Variants in FHIT observed in about 807,000 individuals in gnomAD.
FHIT encodes fragile histidine triad diadenosine triphosphatase.
Under a neutral mutation model 17.9 loss-of-function variants are expected in FHIT, and 19 were observed. The observed-to-expected ratio is 1.06, with a 90% CI of 0.74 to 1.56. The LOEUF (loss-of-function observed/expected upper bound fraction) is 1.56. Among genes scored for constraint, FHIT ranks in the 40% most tolerant of loss-of-function variants. The probability of loss-of-function intolerance (pLI) is 0.00; values close to 1 mark genes in which losing one functional copy is unlikely to be tolerated. For synonymous variants in FHIT, 81 were observed against 69.7 expected (o/e 1.16, Z -0.81); for missense variants, 248 against 189.2 (o/e 1.31, Z -1.82).
chr3:61,194,802 T>A lies in FHIT; in HGVS notation c.-164+5815A>T, dbSNP rs2038809748. 7.9e-5 allele frequency among the ~76,000 whole-genome samples: 12 copies of A among 152,286 alleles called. No homozygotes were observed. The South Asian group carries it at 2.5e-3, about 32-fold the overall frequency. On this transcript the variant is annotated intron_variant, in intron 2 of 9. Transcript: ENST00000492590. The stretch of plus-strand genomic sequence containing the variant: ...ATATCCTCTAATAATACTTACCTAC[T>A]TCAGAGGGTGATGGGAAGCTCTATT...
intron 8 of FHIT, among the ~76,000 whole-genome samples, chr3:59,802,952 G>T (rs1700057234): frequency 6.6e-6 from 1 of 152,126 alleles, no homozygotes; most frequent in African/African-American, 2.4e-5. Context: ...AGTGATACGG[G>T]TATACATCTT....
At chr3:60,652,948 CAAAACA>C (rs2040029163) in intron 4 of FHIT, among the ~76,000 whole-genome samples, 8 of 151,026 alleles carry the variant, frequency 5.3e-5, no homozygotes, top group East Asian at 4.0e-4. Flanking sequence ...CAAAACAAAA[CAAAACA>C]AAACCTTACT....
chr3:60,482,810 C>T (rs2033669987), intron 5 of FHIT, among the ~76,000 whole-genome samples: 1 of 151,148 alleles, frequency 6.6e-6, no homozygotes, highest in Non-Finnish European at 1.5e-5. Context: ...CAGCAGAAGA[C>T]AAGAAATAAC....
chr3:60,730,517 C>G (rs2042005675), intron 4 of FHIT: 1 of 185,710 alleles, frequency 5.4e-6, no homozygotes, highest in African/African-American at 2.4e-5. Context: ...AAGATGAGGC[C>G]CATCTTGGTG....
At chr3:60,879,123 C>A (rs1465280279) in intron 3 of FHIT, among the ~76,000 whole-genome samples, 1 of 152,142 alleles carries the variant, frequency 6.6e-6, no homozygotes. Context: ...AAAAGTGTTC[C>A]TATTTCTCCA....
At chr3:60,196,698 T>A (rs1004488511) in intron 5 of FHIT, among the ~76,000 whole-genome samples, 1 of 152,088 alleles carries the variant, frequency 6.6e-6, no homozygotes, top group Middle Eastern at 3.4e-3. Context: ...TACATACATA[T>A]AAACATATAT....
At chr3:60,313,709 C>A (rs1306773201) in intron 5 of FHIT, among the ~76,000 whole-genome samples, 1 of 138,548 alleles carries the variant, frequency 7.2e-6, no homozygotes, top group Non-Finnish European at 1.5e-5. Flanking sequence ...TCAGGCTTCC[C>A]GGGGGGAGCA....
At chr3:60,732,791 A>ATTC (rs1407943321) in intron 4 of FHIT, among the ~76,000 whole-genome samples, 2 of 143,390 alleles carry the variant, frequency 1.4e-5, no homozygotes, top group Non-Finnish European at 3.0e-5. Context: ...GGTTCAAGTG[A>ATTC]TTCTCCTGCC....
At chr3:59,759,130 G>A (rs61398013) in intron 8 of FHIT, among the ~76,000 whole-genome samples, 12,045 of 151,864 alleles carry the variant, frequency 0.079, 552 homozygotes, top group South Asian at 0.12. Context: ...ATTTCAAGCA[G>A]AAAGAACAGC....
intron 5 of FHIT, among the ~76,000 whole-genome samples, chr3:60,310,105 T>G (rs1708873922): frequency 6.6e-6 from 1 of 152,076 alleles, no homozygotes; most frequent in Non-Finnish European, 1.5e-5. Flanking sequence ...CAACCTTTAT[T>G]TACTTCTCCC....
intron 3 of FHIT, among the ~76,000 whole-genome samples, chr3:61,025,242 C>A (rs558147837): frequency 3.3e-5 from 5 of 152,230 alleles, no homozygotes; most frequent in African/African-American, 1.2e-4. Context: ...TAGGACAGAG[C>A]GTATTAAATT....
At chr3:59,774,069 G>C (rs533029365) in intron 8 of FHIT, among the ~76,000 whole-genome samples, 113 of 152,046 alleles carry the variant, frequency 7.4e-4, no homozygotes, top group Non-Finnish European at 1.4e-3. Flanking sequence ...CACATGTGTG[G>C]TTCCCATTAT....
intron 4 of FHIT, among the ~76,000 whole-genome samples, chr3:60,761,544 T>A (rs1027433165): frequency 6.6e-6 from 1 of 151,944 alleles, no homozygotes; most frequent in Non-Finnish European, 1.5e-5. Context: ...AATGTCTGAT[T>A]TGAAAAAAGA....
intron 5 of FHIT, among the ~76,000 whole-genome samples, chr3:60,156,061 A>C (rs1466438071): frequency 2.0e-5 from 3 of 152,190 alleles, no homozygotes; most frequent in Non-Finnish European, 4.4e-5. Context: ...ACTATAAAAA[A>C]GATCATTTAG....
At chr3:60,092,862 G>A (rs1703789140) in intron 5 of FHIT, among the ~76,000 whole-genome samples, 1 of 152,070 alleles carries the variant, frequency 6.6e-6, no homozygotes, top group African/African-American at 2.4e-5. Flanking sequence ...GTAATCTCAG[G>A]GAGCAGAAAA....
chr3:60,441,703 TA>T lies in FHIT; in HGVS notation c.103+95156del, dbSNP rs1289274457. On this transcript the variant is annotated intron_variant, in intron 5 of 9. Transcript: ENST00000492590. Reference sequence around the variant, plus strand: ...GATATTTGATGCATCTGTAGGTATTTATATATATATATATATATATTTGTAT... The same window carrying T: ...GATATTTGATGCATCTGTAGGTATTTTATATATATATATATATATTTGTAT... 4.8e-4 allele frequency among the ~76,000 whole-genome samples: 13 copies of T among 26,818 alleles called. No individual in the cohort carries two copies. The African/African-American group carries it at 5.4e-3, about 11-fold the overall frequency. 17.6% of individuals were successfully genotyped at this position (26,818 alleles called of 152,430 possible).
chr3:60,819,441 A>C (rs1553738648), intron 4 of FHIT, among the ~76,000 whole-genome samples: 2 of 152,200 alleles, frequency 1.3e-5, no homozygotes, highest in South Asian at 4.1e-4. Context: ...GATTATCTAC[A>C]TGGTACTTTG....
At chr3:60,209,818 G>A (rs562957515) in intron 5 of FHIT, among the ~76,000 whole-genome samples, 14 of 152,208 alleles carry the variant, frequency 9.2e-5, no homozygotes, top group Admixed American at 4.6e-4. Context: ...ATCATCCTCA[G>A]CAAACTAACA....
intron 8 of FHIT, among the ~76,000 whole-genome samples, chr3:59,856,418 C>G (rs1032251376): frequency 1.3e-5 from 2 of 152,088 alleles, no homozygotes; most frequent in African/African-American, 4.8e-5. Context: ...GCAAACTCTT[C>G]CATATGATAG....
Sources: gnomAD v4.1 joint callset for allele counts (sites outside exome capture counted in the v4.1 genomes callset) on GRCh38, gnomAD v4.1.1 for gene constraint, MANE v1.5 for transcripts, NCBI Gene and HGNC (gene_info 2026-07-23, HGNC 2026-07-21) for gene names.